Variants in COLEC12 observed in about 807,000 individuals in gnomAD.
The protein encoded by COLEC12 is collectin subfamily member 12, also known as collectin-12.
Under a neutral mutation model 71.1 loss-of-function variants are expected in COLEC12, and 33 were observed. That is an observed-to-expected ratio of 0.46 (90% CI 0.35 to 0.62). The LOEUF (loss-of-function observed/expected upper bound fraction) is 0.62, where lower values mean the gene tolerates loss of function less well. Ranked by LOEUF, COLEC12 falls within the 20% of genes least tolerant of loss-of-function variation. The probability of loss-of-function intolerance (pLI) is 0.00; values close to 1 mark genes in which losing one functional copy is unlikely to be tolerated. For missense variants in COLEC12, 765 were observed against 916.1 expected (o/e 0.84, Z 2.13); for synonymous variants, 350 against 353.0 (o/e 0.99, Z 0.10).
chr18:465,331 G>A (rs1047127749), intron 2 of COLEC12, among the ~76,000 whole-genome samples: 6 of 152,142 alleles, frequency 3.9e-5, no homozygotes, highest in African/African-American at 1.4e-4. Context: ...TCAGACTCCT[G>A]ACCTCAAGTG....
At chr18:371,744 T>C (rs1254904916) in intron 2 of COLEC12, among the ~76,000 whole-genome samples, 1 of 152,116 alleles carries the variant, frequency 6.6e-6, no homozygotes, top group Non-Finnish European at 1.5e-5. Context: ...GTAACTTGTG[T>C]CCTGACAAGC....
At chr18:406,386 G>A (rs976612267) in intron 2 of COLEC12, among the ~76,000 whole-genome samples, 84 of 151,706 alleles carry the variant, frequency 5.5e-4, no homozygotes, top group South Asian at 1.0e-3. Context: ...GCGGGCGCCT[G>A]TAGTCCCAGC....
intron 2 of COLEC12, among the ~76,000 whole-genome samples, chr18:375,310 G>C (rs75011921): frequency 0.062 from 9,461 of 152,196 alleles, 353 homozygotes; most frequent in South Asian, 0.11. Context: ...CCACCACAAG[G>C]CCTTTGCATG....
In COLEC12 at chr18:500,455, C is replaced by T. The variant is rs1917801009; in HGVS notation, c.7+53G>A. 6 of 1,208,444 alleles carry T rather than the reference C, an allele frequency of 5.0e-6. No homozygotes were observed. The highest frequency in any genetic ancestry group is 6.2e-6 in the Non-Finnish European group (6 of 969,732). The allele number at this position is 1,208,444 out of a possible 1,614,324, so 74.9% of individuals were successfully genotyped here. A position where few individuals can be genotyped will look rare whatever the true frequency, so the allele number is the denominator to read the frequency against. On this transcript the variant is annotated intron_variant, in intron 1 of 9. Transcript: ENST00000400256. This position sits in a 1 kb window ranked among gnomAD's most constrained non-coding sequence, Gnocchi z 5.3. Reference sequence around the variant, plus strand: ...AGGCACCTCCGTGGCCTCCCGCGCGCCCCGAAGCCCGTTCCCCCCGCCCAG... The same window carrying T: ...AGGCACCTCCGTGGCCTCCCGCGCGTCCCGAAGCCCGTTCCCCCCGCCCAG...
At chr18:460,294 A>C (rs1169021044) in intron 2 of COLEC12, among the ~76,000 whole-genome samples, 1 of 152,034 alleles carries the variant, frequency 6.6e-6, no homozygotes, top group African/African-American at 2.4e-5. Flanking sequence ...CTACACGCCT[A>C]AGGTTTTATG....
At chr18:340,191 G>A (rs750222198) in intron 5 of COLEC12, among the ~76,000 whole-genome samples, 6 of 151,854 alleles carry the variant, frequency 4.0e-5, no homozygotes, top group Admixed American at 6.5e-5. Flanking sequence ...GATGTCCTAC[G>A]TGGAAGGACA....
intron 8 of COLEC12, among the ~76,000 whole-genome samples, chr18:325,981 T>G (rs1040956521): frequency 2.6e-5 from 4 of 152,216 alleles, no homozygotes; most frequent in Non-Finnish European, 5.9e-5. Flanking sequence ...CTACTGTTGG[T>G]CTTTCTATTT....
At chr18:332,893 G>A (rs1218968997) in intron 7 of COLEC12, 114 bp downstream of exon 7, 2 of 954,994 alleles carry the variant, frequency 2.1e-6, no homozygotes, top group African/African-American at 3.3e-5. Flanking sequence ...TGCCTCCCAT[G>A]TTTACGTGAC....
intron 2 of COLEC12, among the ~76,000 whole-genome samples, chr18:370,956 G>A (rs1018085218): frequency 2.0e-5 from 3 of 152,178 alleles, no homozygotes; most frequent in African/African-American, 7.2e-5. Context: ...TGAAAAAGAA[G>A]GATTCAGTGA....
At chr18:457,526 A>G (rs1394375718) in intron 2 of COLEC12, among the ~76,000 whole-genome samples, 1 of 152,220 alleles carries the variant, frequency 6.6e-6, no homozygotes, top group African/African-American at 2.4e-5. Flanking sequence ...GACCCAAATC[A>G]TGTTGATTAG....
At chr18:428,979 A>G (rs780082627) in intron 2 of COLEC12, among the ~76,000 whole-genome samples, 3 of 152,252 alleles carry the variant, frequency 2.0e-5, no homozygotes, top group Non-Finnish European at 4.4e-5. Context: ...AAGGTCATAC[A>G]AGCCCACCAT....
intron 1 of COLEC12, among the ~76,000 whole-genome samples, chr18:496,309 T>A (rs1018824747): frequency 6.6e-6 from 1 of 151,994 alleles, no homozygotes; most frequent in Non-Finnish European, 1.5e-5. Context: ...CCGTGGGAAA[T>A]TGCATAGGAG....
intron 1 of COLEC12, among the ~76,000 whole-genome samples, chr18:493,044 C>T (rs1403140330): frequency 6.6e-6 from 1 of 152,118 alleles, no homozygotes; most frequent in Non-Finnish European, 1.5e-5. Context: ...CTCTACAAAA[C>T]ATACAAAAAT....
chr18:478,622 A>G (rs1368509016), intron 2 of COLEC12, among the ~76,000 whole-genome samples: 1 of 152,178 alleles, frequency 6.6e-6, no homozygotes, highest in African/African-American at 2.4e-5. Flanking sequence ...CAAAACTAAA[A>G]TAATAAAATA....
At chr18:438,412 C>A (rs2033881396) in intron 2 of COLEC12, among the ~76,000 whole-genome samples, 2 of 152,080 alleles carry the variant, frequency 1.3e-5, no homozygotes, top group Admixed American at 1.3e-4. Context: ...ATACTAAAAC[C>A]TGAAGTATTT....
At chr18:491,316 C>T (rs775939307) in intron 1 of COLEC12, among the ~76,000 whole-genome samples, 29 of 152,210 alleles carry the variant, frequency 1.9e-4, no homozygotes, top group Non-Finnish European at 3.8e-4. Flanking sequence ...GACTTCTTTC[C>T]TAACACCAGA....
At chr18:495,100 A>G (rs1191586106) in intron 1 of COLEC12, among the ~76,000 whole-genome samples, 2 of 152,232 alleles carry the variant, frequency 1.3e-5, no homozygotes, top group African/African-American at 4.8e-5. Context: ...TCACTGCTGT[A>G]TAATTACAAA....
At chr18:416,841 T>C (rs1264698246) in intron 2 of COLEC12, among the ~76,000 whole-genome samples, 2 of 119,782 alleles carry the variant, frequency 1.7e-5, no homozygotes, top group East Asian at 2.6e-4. Context: ...GAGATGAAGC[T>C]TGGCAAGCTA....
chr18:435,794 T>C (rs1379222191), intron 2 of COLEC12, among the ~76,000 whole-genome samples: 2 of 152,178 alleles, frequency 1.3e-5, no homozygotes, highest in Non-Finnish European at 2.9e-5. Flanking sequence ...TCATTTGTTT[T>C]CAAAATGCAA....
Sources: gnomAD v4.1 joint callset for allele counts (sites outside exome capture counted in the v4.1 genomes callset) on GRCh38, gnomAD v4.1.1 for gene constraint, Gnocchi (gnomAD v3.1) non-coding constraint, MANE v1.5 for transcripts, NCBI Gene and HGNC (gene_info 2026-07-23, HGNC 2026-07-21) for gene names.